EYS: variants seen among roughly 807,000 people sequenced by gnomAD.
EYS encodes protein eyes shut homolog.
Under a neutral mutation model 282.1 loss-of-function variants are expected in EYS, and 250 were observed. The ratio of observed to expected loss-of-function variants is 0.89; its 90% confidence interval spans 0.80 to 0.98. The LOEUF (loss-of-function observed/expected upper bound fraction) is 0.98. EYS is among the 50% of genes least tolerant of loss of function. The pLI, the probability that EYS is intolerant of heterozygous loss-of-function variation, is 0.00. For missense variants in EYS, 4,016 were observed against 3,709.0 expected (o/e 1.08, Z -2.15); for synonymous variants, 1,355 against 1,282.9 (o/e 1.06, Z -1.20).
At chr6:64,930,357 T>G (rs1768673488) in intron 15 of EYS, among the ~76,000 whole-genome samples, 1 of 151,574 alleles carries the variant, frequency 6.6e-6, no homozygotes, top group South Asian at 2.1e-4. Flanking sequence ...ATCTTTTAAC[T>G]CTTAAAGATA....
chr6:63,777,769 T>G (rs28465063), intron 40 of EYS: 3 of 418,502 alleles, frequency 7.2e-6, no homozygotes, highest in East Asian at 4.1e-5. Flanking sequence ...GTGCCTGGAA[T>G]GAGATGTAGT....
chr6:63,908,843 C>G (rs575374588), intron 35 of EYS, among the ~76,000 whole-genome samples: 1 of 152,282 alleles, frequency 6.6e-6, no homozygotes, highest in Non-Finnish European at 1.5e-5. Context: ...GACCTCACTT[C>G]TTCACTAAAG....
intron 14 of EYS, among the ~76,000 whole-genome samples, chr6:64,955,286 A>G (rs755200658): frequency 6.6e-6 from 1 of 152,176 alleles, no homozygotes; most frequent in Non-Finnish European, 1.5e-5. Flanking sequence ...AAAGATCACA[A>G]TAATGAAAAT....
At chr6:64,643,327 C>A (rs1562108574) in intron 22 of EYS, among the ~76,000 whole-genome samples, 1 of 152,144 alleles carries the variant, frequency 6.6e-6, no homozygotes, top group African/African-American at 2.4e-5. Context: ...TAATTTTACA[C>A]CAACCCAATA....
At chr6:63,920,469 T>C (rs75141112) in intron 35 of EYS, among the ~76,000 whole-genome samples, 2,169 of 152,320 alleles carry the variant, frequency 0.014, 47 homozygotes, top group African/African-American at 0.049. Context: ...GCTTCACAGC[T>C]TCAGTTTTCA....
chr6:64,526,840 T>G (rs549075789), intron 26 of EYS, among the ~76,000 whole-genome samples: 2 of 151,980 alleles, frequency 1.3e-5, no homozygotes, highest in South Asian at 4.1e-4. Flanking sequence ...TCCAGACTTA[T>G]GTGCCACTAT....
intron 5 of EYS, among the ~76,000 whole-genome samples, chr6:65,445,721 A>G (rs1160335112): frequency 6.6e-6 from 1 of 151,908 alleles, no homozygotes; most frequent in East Asian, 1.9e-4. Flanking sequence ...CTTTATATAG[A>G]AATAATATAT....
In EYS at chr6:63,720,967, C is replaced by T. The variant is rs1038558760; in HGVS notation, c.9064G>A (p.Val3022Ile). The T allele has an allele frequency of 1.3e-6, 2 of 1,551,360 alleles. No homozygotes were observed. Among genetic ancestry groups the T allele is most frequent in the Non-Finnish European group, 1.7e-6 (2 of 1,146,786 alleles). Residue 3022 changes from valine (V) to isoleucine (I), a missense_variant, in exon 43 of 43, where the codon GTT becomes ATT. Coordinates refer to ENST00000503581, the MANE Select transcript of EYS (RefSeq NM_001142800.2). ...ACAGAGATTCTTTCTCCCAAGTTAACTGCTATTTTCAAGGTCTGATTATGG... is the reference window on the plus strand; with the variant it reads ...ACAGAGATTCTTTCTCCCAAGTTAATTGCTATTTTCAAGGTCTGATTATGG... Reference protein sequence around the residue: ...GLHNQTLKIAVNLGERISVPM... With the variant: ...GLHNQTLKIAINLGERISVPM...
intron 28 of EYS, among the ~76,000 whole-genome samples, chr6:64,402,543 C>T (rs560606626): frequency 6.6e-6 from 1 of 152,316 alleles, no homozygotes; most frequent in East Asian, 1.9e-4. Context: ...GCACCTCCTT[C>T]TATCACAGAT....
intron 14 of EYS, among the ~76,000 whole-genome samples, chr6:64,992,708 G>T (rs1771107186): frequency 6.6e-6 from 1 of 151,948 alleles, no homozygotes; most frequent in Non-Finnish European, 1.5e-5. Flanking sequence ...GAACTCCGGA[G>T]CTCTGATATG....
intron 35 of EYS, among the ~76,000 whole-genome samples, chr6:63,893,884 T>C (rs187076654): frequency 5.3e-5 from 8 of 152,268 alleles, no homozygotes; most frequent in Admixed American, 3.9e-4. Flanking sequence ...ATTTGGAACT[T>C]CTCCTGTCCA....
intron 22 of EYS, among the ~76,000 whole-genome samples, chr6:64,722,162 G>A (rs539083086): frequency 2.0e-5 from 3 of 152,242 alleles, no homozygotes; most frequent in African/African-American, 7.2e-5. Context: ...AAAGAAAAGA[G>A]AATTTTAATG....
chr6:64,168,025 G>C (rs959273923), intron 31 of EYS, among the ~76,000 whole-genome samples: 3 of 152,182 alleles, frequency 2.0e-5, no homozygotes, highest in Non-Finnish European at 4.4e-5. Flanking sequence ...CACTTTGGGA[G>C]GCCGAGGCAG....
intron 31 of EYS, among the ~76,000 whole-genome samples, chr6:64,211,560 C>CAT (rs201985041): frequency 1.3e-4 from 19 of 144,732 alleles, no homozygotes; most frequent in South Asian, 2.1e-4. Context: ...TAATCTAATT[C>CAT]ATATATATAT....
chr6:65,011,915 G>A (rs149334729), intron 13 of EYS, among the ~76,000 whole-genome samples: 2,787 of 152,164 alleles, frequency 0.018, 89 homozygotes, highest in African/African-American at 0.062. Context: ...CCTTTGGGTC[G>A]CCTCCCTTTG....
At chr6:64,063,362 T>C (rs1214879364) in intron 33 of EYS, among the ~76,000 whole-genome samples, 1 of 152,180 alleles carries the variant, frequency 6.6e-6, no homozygotes, top group Middle Eastern at 3.2e-3. Flanking sequence ...TCTTGCATTG[T>C]TTATTATTAT....
chr6:64,634,868 AAC>A (rs1252288652), intron 22 of EYS, among the ~76,000 whole-genome samples: 17 of 152,194 alleles, frequency 1.1e-4, no homozygotes, highest in African/African-American at 3.6e-4. Context: ...TTTAAGAGAT[AAC>A]AAGCATGATG....
chr6:64,377,735 G>T (rs1007974192), intron 29 of EYS: 1 of 151,890 alleles, frequency 6.6e-6, no homozygotes, highest in Non-Finnish European at 1.5e-5. Context: ...CTTCCAAAAT[G>T]ATCTTACATG....
intron 26 of EYS, among the ~76,000 whole-genome samples, chr6:64,543,297 G>A (rs1003928475): frequency 6.6e-6 from 1 of 151,824 alleles, no homozygotes; most frequent in African/African-American, 2.4e-5. Context: ...TTCAAATTAC[G>A]GAAAAACAGA....
Sources: allele counts gnomAD v4.1 joint callset (sites outside exome capture counted in the v4.1 genomes callset), GRCh38; gene constraint gnomAD v4.1.1; transcripts MANE v1.5; gene names NCBI Gene and HGNC (gene_info 2026-07-23, HGNC 2026-07-21).